The following RYR3 variants were observed in gnomAD, a reference collection of about 807,000 sequenced individuals.
RYR3 encodes the protein brain ryanodine receptor-calcium release channel.
Under a neutral mutation model 584.3 loss-of-function variants are expected in RYR3, and 207 were observed. The observed-to-expected ratio is 0.35, with a 90% CI of 0.32 to 0.40. The LOEUF (loss-of-function observed/expected upper bound fraction) is 0.40. Ranked by LOEUF, RYR3 falls within the 10% of genes least tolerant of loss-of-function variation. The pLI is 1.00. For missense variants in RYR3, 5,616 were observed against 6,089.2 expected (o/e 0.92, Z 2.59); for synonymous variants, 2,416 against 2,248.5 (o/e 1.07, Z -2.11).
At chr15:33,844,571 T>A (rs538359574) in intron 92 of RYR3, among the ~76,000 whole-genome samples, 2 of 152,348 alleles carry the variant, frequency 1.3e-5, no homozygotes, top group East Asian at 3.9e-4. Context: ...AGAGATTCCC[T>A]TCTGTGGCAT....
intron 1 of RYR3, among the ~76,000 whole-genome samples, chr15:33,312,186 ATTCT>A (rs1212838555): frequency 2.6e-5 from 4 of 152,074 alleles, no homozygotes; most frequent in African/African-American, 9.7e-5. Context: ...TTAGAATGAA[ATTCT>A]TTCTTTCCCT....
chr15:33,757,362 T>C, intron 59 of RYR3, 113 bp from the exon 60 acceptor site: 15 of 1,187,642 alleles, frequency 1.3e-5, no homozygotes, highest in Non-Finnish European at 1.8e-5. Context: ...TCCTGGAAAT[T>C]ACAGGACCAG....
At position 33,826,390 on chromosome 15, in the gene RYR3, T is replaced by C. The variant is rs2077382192; in HGVS notation, c.11164+121T>C. 5.9e-6 allele frequency: 6 copies of C among 1,012,324 alleles called. No homozygotes were observed. In the African/African-American group the frequency reaches 9.5e-5, roughly 16 times the overall value. The allele number at this position is 1,012,324 out of a possible 1,614,324, so 62.7% of individuals were successfully genotyped here. A position where few individuals can be genotyped will look rare whatever the true frequency, so the allele number is the denominator to read the frequency against. Reference sequence around the variant, plus strand: ...TTGCATGTTGAGTTGAACTCAGCAGTTTGGTACTTAATTAAAGAAGTGTCT... The same window carrying C: ...TTGCATGTTGAGTTGAACTCAGCAGCTTGGTACTTAATTAAAGAAGTGTCT... On this transcript the variant is annotated intron_variant, in intron 83 of 103. Transcript: ENST00000634891.
chr15:33,494,097 T>A (rs2051208123), intron 2 of RYR3, among the ~76,000 whole-genome samples: 1 of 82,856 alleles, frequency 1.2e-5, no homozygotes, highest in Non-Finnish European at 2.2e-5. Flanking sequence ...ACAGTGATTG[T>A]GGCTATTTTT....
chr15:33,696,702 T>G (rs143700792), intron 39 of RYR3, among the ~76,000 whole-genome samples: 54 of 152,262 alleles, frequency 3.5e-4, no homozygotes, highest in African/African-American at 1.2e-3. Context: ...GGAGGAGTCT[T>G]GGGGAAAAGC....
intron 77 of RYR3, among the ~76,000 whole-genome samples, chr15:33,820,546 A>G (rs1277479267): frequency 6.6e-6 from 1 of 152,102 alleles, no homozygotes; most frequent in East Asian, 1.9e-4. Flanking sequence ...CTCATTTCTC[A>G]TTTCTGAACT....
At chr15:33,808,479 T>C (rs1042334005) in intron 70 of RYR3, among the ~76,000 whole-genome samples, 1 of 152,256 alleles carries the variant, frequency 6.6e-6, no homozygotes, top group African/African-American at 2.4e-5. Flanking sequence ...CAAATCCACG[T>C]AATTACACTT....
intron 18 of RYR3, among the ~76,000 whole-genome samples, chr15:33,609,315 T>G (rs1327716200): frequency 1.3e-5 from 2 of 152,210 alleles, no homozygotes; most frequent in Non-Finnish European, 2.9e-5. Context: ...AAACCTGTAA[T>G]CCCAGCACTT....
chr15:33,580,665 C>G (rs145671717), intron 13 of RYR3, among the ~76,000 whole-genome samples: 1 of 152,180 alleles, frequency 6.6e-6, no homozygotes. Context: ...GGTTCCATCT[C>G]CAGCTGTGTG....
At chr15:33,566,099 A>G (rs943016707) in intron 11 of RYR3, among the ~76,000 whole-genome samples, 5 of 152,196 alleles carry the variant, frequency 3.3e-5, no homozygotes, top group African/African-American at 1.2e-4. Flanking sequence ...GCAGGACTAG[A>G]CAAAGGTCTG....
At chr15:33,339,849 A>G (rs1366366275) in intron 1 of RYR3, among the ~76,000 whole-genome samples, 3 of 150,248 alleles carry the variant, frequency 2.0e-5, no homozygotes, top group African/African-American at 7.4e-5. Context: ...AGATAGCACC[A>G]CTGCACTCCA....
In RYR3 at chr15:33,848,363, G is replaced by C. The variant is rs533061407; in HGVS notation, c.13570G>C (p.Glu4524Gln). Residue 4524 changes from glutamate (E) to glutamine (Q), a missense_variant, in exon 94 of 104, where the codon GAA (glutamate) becomes CAA (glutamine). Transcript: ENST00000634891. The stretch of plus-strand genomic sequence containing the variant: ...GGAGTTTGATGGCCTATATATCACC[G>C]AACAGCCATCTGAAGATGACATCAA... ...KLEFDGLYITEQPSEDDIKGQ... is the reference protein window; with the variant it reads ...KLEFDGLYITQQPSEDDIKGQ... 10 of 1,613,592 alleles carry C rather than the reference G, an allele frequency of 6.2e-6. No individual in the cohort carries two copies. The Admixed American group carries it at 8.3e-5, about 13-fold the overall frequency.
chr15:33,478,595 A>G (rs1177439809), intron 2 of RYR3, among the ~76,000 whole-genome samples: 1 of 152,242 alleles, frequency 6.6e-6, no homozygotes, highest in Non-Finnish European at 1.5e-5. Flanking sequence ...GGTTGTATCA[A>G]GTAACCATGG....
intron 19 of RYR3, among the ~76,000 whole-genome samples, chr15:33,618,732 T>A (rs1283030624): frequency 6.6e-6 from 1 of 152,216 alleles, no homozygotes; most frequent in Non-Finnish European, 1.5e-5. Context: ...CTAGCAAGAC[T>A]AAAATGATTT....
At chr15:33,852,493 G>A (rs990301887) in intron 94 of RYR3, 2 of 155,042 alleles carry the variant, frequency 1.3e-5, no homozygotes, top group East Asian at 1.9e-4. Context: ...GTGGCATTAC[G>A]TGGGAATAGA....
In RYR3 at chr15:33,773,629, G is replaced by A. The variant is rs116124627; in HGVS notation, c.9137+14G>A. The A allele has an allele frequency of 5.3e-4, 818 of 1,531,202 alleles. 3 individuals carry two copies. In the African/African-American group the frequency reaches 9.0e-3, roughly 17 times the overall value. The allele number at this position is 1,531,202 out of a possible 1,614,324, so 94.9% of individuals were successfully genotyped here. ...TTATGTTGAAAGGTAATTAGTGAAC[G>A]AAGAGGCTAACACTTTCAGGCATAG... is the stretch of plus-strand genomic sequence containing the variant. On this transcript the variant is annotated intron_variant, in intron 64 of 103. Coordinates refer to ENST00000634891, the MANE Select transcript of RYR3 (RefSeq NM_001036.6).
intron 43 of RYR3, among the ~76,000 whole-genome samples, chr15:33,715,356 C>T (rs935160436): frequency 6.6e-6 from 1 of 152,174 alleles, no homozygotes; most frequent in Non-Finnish European, 1.5e-5. Flanking sequence ...TGAAAAGATT[C>T]AGCAAGCTCT....
At chr15:33,318,208 T>C (rs1414517244) in intron 1 of RYR3, among the ~76,000 whole-genome samples, 1 of 152,150 alleles carries the variant, frequency 6.6e-6, no homozygotes, top group African/African-American at 2.4e-5. Context: ...TCTACTGAGT[T>C]GAGTTTGTAA....
At chr15:33,577,923 G>A (rs8037915) in intron 12 of RYR3, among the ~76,000 whole-genome samples, 35,992 of 151,078 alleles carry the variant, frequency 0.24, 7,047 homozygotes, top group African/African-American at 0.55. Context: ...TACAAGAAAA[G>A]AAAAACTCAT....
Sources: allele counts gnomAD v4.1 joint callset (sites outside exome capture counted in the v4.1 genomes callset), GRCh38; gene constraint gnomAD v4.1.1; transcripts MANE v1.5; gene names NCBI Gene and HGNC (gene_info 2026-07-23, HGNC 2026-07-21).